The following TCP11L2 variants were observed in gnomAD, a reference collection of about 807,000 sequenced individuals.
TCP11L2 encodes the protein T-complex protein 11-like protein 2.
TCP11L2 carries 39 observed loss-of-function variants against 50.7 expected under a neutral mutation model. The ratio of observed to expected loss-of-function variants is 0.77; its 90% confidence interval spans 0.60 to 1.01. The LOEUF is 1.01. Among genes scored for constraint, TCP11L2 ranks in the 50% least tolerant of loss-of-function variants. TCP11L2 has a pLI of 0.00. For synonymous variants in TCP11L2, 192 were observed against 219.3 expected, an observed-to-expected ratio of 0.88 and a Z score of 1.10; for missense variants, 612 against 614.7, an observed-to-expected ratio of 1.00 and a Z score of 0.05.
chr12:106,318,990 CA>C (rs2035222242), intron 4 of TCP11L2, among the ~76,000 whole-genome samples: 1 of 152,024 alleles, frequency 6.6e-6, no homozygotes, highest in Non-Finnish European at 1.5e-5. Flanking sequence ...CGGCTCACTG[CA>C]AGCTCCGCTT....
chr12:106,339,605 T>C (rs2036030372), intron 8 of TCP11L2, among the ~76,000 whole-genome samples: 3 of 152,246 alleles, frequency 2.0e-5, no homozygotes, highest in Admixed American at 2.0e-4. Flanking sequence ...TTTAAAGGTC[T>C]TATAGTTAAG....
At chr12:106,322,439 CT>C (rs2035373977) in intron 5 of TCP11L2, among the ~76,000 whole-genome samples, 1 of 152,184 alleles carries the variant, frequency 6.6e-6, no homozygotes, top group African/African-American at 2.4e-5. Context: ...CCTGGAAATA[CT>C]TTTCACAGCC....
At chr12:106,330,444 G>A (rs1360981404) in intron 6 of TCP11L2, 1 of 321,384 alleles carries the variant, frequency 3.1e-6, no homozygotes, top group African/African-American at 2.2e-5. Flanking sequence ...CAGGGCGGGA[G>A]GCTGAGGAAG....
chr12:106,321,888 A>T (rs1592951518), intron 5 of TCP11L2, among the ~76,000 whole-genome samples, 182 bp downstream of exon 5: 1 of 152,226 alleles, frequency 6.6e-6, no homozygotes, highest in South Asian at 2.1e-4. Flanking sequence ...TTCACATAGA[A>T]TGATCTGACA....
chr12:106,326,007 A>T (rs1226681761), intron 6 of TCP11L2: 1 of 152,112 alleles, frequency 6.6e-6, no homozygotes, highest in Non-Finnish European at 1.5e-5. Flanking sequence ...TTACCCAGTG[A>T]AGTAGGTACT....
chr12:106,298,809 C>A (rs948109090), upstream of TCP11L2, among the ~76,000 whole-genome samples: 6 of 151,064 alleles, frequency 4.0e-5, no homozygotes, highest in Non-Finnish European at 4.4e-5. Flanking sequence ...AGGTGTGAAC[C>A]ACCATGCCCG....
chr12:106,305,796 A>G (rs2034605242), intron 1 of TCP11L2, among the ~76,000 whole-genome samples: 1 of 152,214 alleles, frequency 6.6e-6, no homozygotes, highest in African/African-American at 2.4e-5. Context: ...AGGGAGAGGA[A>G]CATTTCAGGG....
intron 3 of TCP11L2, among the ~76,000 whole-genome samples, chr12:106,315,407 T>C (rs1443784348): frequency 6.6e-6 from 1 of 152,166 alleles, no homozygotes; most frequent in African/African-American, 2.4e-5. Context: ...CCTTGCTGCC[T>C]CCTTTTTGTT....
chr12:106,321,387 A>G, intron 4 of TCP11L2, 99 bp from the exon 5 acceptor site: 1 of 1,056,226 alleles, frequency 9.5e-7, no homozygotes, highest in Non-Finnish European at 1.4e-6. Context: ...TGAGGCACTA[A>G]AATGTGGGCA....
At chr12:106,328,851 C>G (rs778985300) in intron 6 of TCP11L2, among the ~76,000 whole-genome samples, 1 of 152,148 alleles carries the variant, frequency 6.6e-6, no homozygotes, top group Non-Finnish European at 1.5e-5. Context: ...TCCATTGTCA[C>G]GATGGTTGAT....
intron 1 of TCP11L2, among the ~76,000 whole-genome samples, chr12:106,307,102 C>G (rs1406068066): frequency 6.6e-6 from 1 of 152,188 alleles, no homozygotes; most frequent in Non-Finnish European, 1.5e-5. Flanking sequence ...ATTCACACCT[C>G]TTAAATGTCA....
chr12:106,316,732 T>C lies in TCP11L2; in HGVS notation c.294-1612T>C, dbSNP rs980921844. Among the ~76,000 whole-genome samples the C allele has an allele frequency of 3.3e-5, 5 of 152,306 alleles. No individual in the cohort carries two copies. The South Asian group carries it at 6.2e-4, about 19-fold the overall frequency. On this transcript the variant is annotated intron_variant, in intron 3 of 9. Coordinates refer to ENST00000299045, the MANE Select transcript of TCP11L2 (RefSeq NM_152772.3). ...TTGCCTTTTTGTCCCTGCTAACATA[T>C]AAGCTTTTTGAGGTCAGAGACTTTC...
chr12:106,326,856 C>T (rs2035565569), intron 6 of TCP11L2, among the ~76,000 whole-genome samples: 1 of 152,182 alleles, frequency 6.6e-6, no homozygotes. Flanking sequence ...AGTCAGATAA[C>T]TTTTAAGTTT....
rs772989988 is a variant in TCP11L2, at chr12:106,321,543, G to T, written c.472G>T (p.Val158Phe). ...CCGGCTTCGCAACCAAATCTGTGAA[G>T]TTTTGGACACAGACCTCATTAGGCA... The part of the protein sequence containing the change: ...GNRLRNQICE[V>F]LDTDLIRQQA... Residue 158 changes from valine to phenylalanine, a missense_variant, in exon 5 of 10, where the codon GTT (valine) becomes TTT (phenylalanine). By Grantham distance (50) the Val-to-Phe change is conservative. Transcript: ENST00000299045. 12 of 1,614,106 alleles carry T rather than the reference G, an allele frequency of 7.4e-6. No individual in the cohort carries two copies. Among genetic ancestry groups the T allele is most frequent in the Non-Finnish European group, 8.5e-7 (1 of 1,180,056 alleles).
rs765989131 is a variant in TCP11L2 at position 106,335,641 on chromosome 12, G to C, written c.775G>C (p.Ala259Pro). 7 of 1,613,778 alleles carry C rather than the reference G, an allele frequency of 4.3e-6. No homozygotes were observed. In the South Asian group the frequency reaches 7.7e-5, roughly 18 times the overall value. ...ATATGTGGCCTTTTCACTCTTAGGT[G>C]CTCTTGATCAGACTACAGAATGGAT... ...FQEILEETPS[A>P]LDQTTEWIKE... Residue 259 changes from alanine (A) to proline (P), a missense_variant and splice_region_variant, in exon 7 of 10, where the codon GCT (alanine) becomes CCT (proline). By Grantham distance (27) the Ala-to-Pro change is conservative. Transcript: ENST00000299045.
intron 4 of TCP11L2, among the ~76,000 whole-genome samples, chr12:106,319,028 C>T (rs2035226064): frequency 6.6e-6 from 1 of 152,132 alleles, no homozygotes. Flanking sequence ...TCTCCTGCCT[C>T]AGCCTCCCGA....
At position 106,311,209 on chromosome 12, in the gene TCP11L2, C is replaced by T; in HGVS notation, c.134C>T (p.Ser45Phe). 1.2e-6 allele frequency: 2 copies of T among 1,613,960 alleles called. No homozygotes were observed. The highest frequency in any genetic ancestry group is 1.7e-6 in the Non-Finnish European group (2 of 1,179,930). ...AGGCAGAGCTTTGCAAGTGACTCCT[C>T]CAGCAAATCCAGCTCTCCTGCTTGT... ...CSRQSFASDS[S>F]SKSSSPASTS... is the part of the protein sequence containing the mutation. Residue 45 changes from serine to phenylalanine, a missense_variant, in exon 2 of 10, where the codon TCC becomes TTC. Transcript: ENST00000299045.
At chr12:106,311,927 T>C (rs1478910185) in intron 2 of TCP11L2, among the ~76,000 whole-genome samples, 1 of 152,228 alleles carries the variant, frequency 6.6e-6, no homozygotes, top group Non-Finnish European at 1.5e-5. Flanking sequence ...TATGCTGAAC[T>C]GTCCACTTCT....
At chr12:106,333,706 T>C (rs887711686) in intron 6 of TCP11L2, among the ~76,000 whole-genome samples, 9 of 152,112 alleles carry the variant, frequency 5.9e-5, no homozygotes, top group African/African-American at 1.7e-4. Context: ...AAACAAATAC[T>C]AAAAACGCTT....
Sources: allele counts gnomAD v4.1 joint callset (sites outside exome capture counted in the v4.1 genomes callset), GRCh38; gene constraint gnomAD v4.1.1; transcripts MANE v1.5; gene names NCBI Gene and HGNC (gene_info 2026-07-23, HGNC 2026-07-21).